The following PCNX2 variants were observed in gnomAD, a reference collection of about 807,000 sequenced individuals.
PCNX2 encodes pecanex-like protein 2.
Under a neutral mutation model 223.8 loss-of-function variants are expected in PCNX2, and 168 were observed. The ratio of observed to expected loss-of-function variants is 0.75; its 90% CI spans 0.66 to 0.85. The LOEUF is 0.85. Among genes scored for constraint, PCNX2 ranks in the 40% least tolerant of loss-of-function variants. The pLI, the probability that PCNX2 is intolerant of heterozygous loss-of-function variation, is 0.00. For synonymous variants in PCNX2, 1,006 were observed against 1,052.6 expected, an observed-to-expected ratio of 0.96 and a Z score of 0.86; for missense variants, 2,507 against 2,675.5, an observed-to-expected ratio of 0.94 and a Z score of 1.39.
chr1:233,285,730 G>T (rs1480669971), intron 1 of PCNX2, among the ~76,000 whole-genome samples: 1 of 152,200 alleles, frequency 6.6e-6, no homozygotes, highest in Non-Finnish European at 1.5e-5. Context: ...CACATGTTTA[G>T]GTTGGTTATT....
intron 15 of PCNX2, among the ~76,000 whole-genome samples, chr1:233,192,049 T>C (rs1680448924): frequency 6.6e-6 from 1 of 152,174 alleles, no homozygotes; most frequent in African/African-American, 2.4e-5. Context: ...TACTGAAACA[T>C]GTTTTGTTTC....
rs1420498720 is a variant in PCNX2 at position 233,162,990 on chromosome 1, A to T, written c.3274-1627T>A. On this transcript the variant is annotated intron_variant, in intron 17 of 33. Coordinates refer to ENST00000258229, the MANE Select transcript of PCNX2 (RefSeq NM_014801.4). ...GCAGGAATGAGCTCGAATTATTATT[A>T]ACCTTTTTTTCACAGTTGGATGATA... 2.6e-5 allele frequency among the ~76,000 whole-genome samples: 4 copies of T among 152,274 alleles called. No homozygotes were observed. The South Asian group carries it at 6.2e-4, about 24-fold the overall frequency.
chr1:233,260,017 A>T (rs1659965654), intron 4 of PCNX2: 2 of 198,988 alleles, frequency 1.0e-5, no homozygotes, highest in Non-Finnish European at 1.8e-5. Flanking sequence ...ATGCTGTTTT[A>T]TATAAGAGAC....
At chr1:233,324,200 G>A in the PCNX2 span, among the ~76,000 whole-genome samples, 2 of 152,330 alleles carry the variant, frequency 1.3e-5, no homozygotes, top group East Asian at 3.9e-4. Context: ...GAGGTTTAAG[G>A]AAAGAAGTCA....
intron 31 of PCNX2, 66 bp from the exon 32 acceptor site, chr1:232,998,504 C>A: frequency 6.5e-7 from 1 of 1,550,154 alleles, no homozygotes; most frequent in Non-Finnish European, 8.7e-7. Flanking sequence ...AAATGCACCA[C>A]CATGGCCTTG....
chr1:233,221,300 G>A (rs1380671290), intron 10 of PCNX2, among the ~76,000 whole-genome samples: 1 of 151,768 alleles, frequency 6.6e-6, no homozygotes, highest in African/African-American at 2.4e-5. Context: ...TATTTGGTGT[G>A]TTGAGGTCCA....
intron 1 of PCNX2, among the ~76,000 whole-genome samples, chr1:233,272,577 CA>C (rs1422111991): frequency 6.6e-6 from 1 of 152,146 alleles, no homozygotes; most frequent in African/African-American, 2.4e-5. Flanking sequence ...TTATGGAAAA[CA>C]GTGTGGAGAT....
At position 233,258,703 on chromosome 1, in the gene PCNX2, T is replaced by C. The variant is rs763852757; in HGVS notation, c.1159A>G (p.Met387Val). 1.4e-5 allele frequency: 23 copies of C among 1,613,866 alleles called. No homozygotes were observed. In the African/African-American group the frequency reaches 2.5e-4, roughly 18 times the overall value. The change falls in exon 5 of 34, where the codon ATG becomes GTG. Residue 387 changes from methionine (M) to valine (V), a missense_variant. By Grantham distance (21) the Met-to-Val change is conservative. This residue lies in a region of PCNX2 where 1,031 missense variants were observed against 1,021.7 expected (regional missense o/e 1.01). Transcript: ENST00000258229. Reference sequence around the variant, plus strand: ...TGGAGGGAGCTTTCCAAATCTGTCATGGAGTTTGGGGTACTGCTCATCGTG... The same window carrying C: ...TGGAGGGAGCTTTCCAAATCTGTCACGGAGTTTGGGGTACTGCTCATCGTG... ...VITMSSTPNS[M>V]TDLESSLHLR...
At chr1:233,078,188 G>T (rs185688492) in intron 23 of PCNX2, among the ~76,000 whole-genome samples, 1 of 152,322 alleles carries the variant, frequency 6.6e-6, no homozygotes, top group Non-Finnish European at 1.5e-5. Context: ...AAGCCTCCCA[G>T]TACCTACAGT....
chr1:232,990,222 G>A lies in PCNX2; in HGVS notation c.5792-3682C>T, dbSNP rs1280816158. On this transcript the variant is annotated intron_variant, in intron 32 of 33. Transcript: ENST00000258229. The surrounding 1 kb of genome is among the most constrained non-coding windows in gnomAD (Gnocchi z 4.3). ...TGGTTTCCGCAAAGTGTCCCGGGCA[G>A]GGCCAGGCAGAGCCGCCCCTCCCGT... 6.6e-6 allele frequency among the ~76,000 whole-genome samples: 1 copy of A among 152,232 alleles called. No homozygotes were observed. Among genetic ancestry groups the A allele is most frequent in the African/African-American group, 2.4e-5 (1 of 41,470 alleles).
At chr1:233,003,772 A>T (rs1169170411) in intron 28 of PCNX2, among the ~76,000 whole-genome samples, 1 of 152,230 alleles carries the variant, frequency 6.6e-6, no homozygotes, top group Admixed American at 6.5e-5. Context: ...TCAATGATAG[A>T]CTGGATAAAG....
intron 28 of PCNX2, among the ~76,000 whole-genome samples, chr1:233,011,727 C>T (rs1204783735): frequency 6.6e-6 from 1 of 152,172 alleles, no homozygotes; most frequent in Admixed American, 6.5e-5. Context: ...CATCCACCTG[C>T]CTGGAAAGTG....
Position 233,295,723 on chromosome 1 carries a change from G to C in PCNX2, c.-245C>G. On this transcript the variant is annotated 5_prime_UTR_variant, in exon 1 of 34. Coordinates refer to ENST00000258229, the MANE Select transcript of PCNX2 (RefSeq NM_014801.4). This position sits in a 1 kb window ranked among gnomAD's most constrained non-coding sequence, Gnocchi z 4.1. ...GGGCAGGTGAGCGCCATGTCCGAGGGAGGAAGGATTTTCCCATCGTGCTCA... is the reference window on the plus strand; with the variant it reads ...GGGCAGGTGAGCGCCATGTCCGAGGCAGGAAGGATTTTCCCATCGTGCTCA... 1 of 383,432 alleles carries C rather than the reference G, an allele frequency of 2.6e-6. No individual in the cohort carries two copies. The highest frequency in any genetic ancestry group is 1.0e-4 in the South Asian group (1 of 9,990). The allele number at this position is 383,432 out of a possible 1,614,324, so 23.8% of individuals were successfully genotyped here. A position where few individuals can be genotyped will look rare whatever the true frequency, so the allele number is the denominator to read the frequency against.
At chr1:233,282,266 C>T (rs1558422973) in intron 1 of PCNX2, among the ~76,000 whole-genome samples, 1 of 152,090 alleles carries the variant, frequency 6.6e-6, no homozygotes, top group East Asian at 1.9e-4. Context: ...ACTGTTAGCA[C>T]TCATTTCCCG....
intron 32 of PCNX2, among the ~76,000 whole-genome samples, chr1:232,988,219 T>A (rs925737760): frequency 6.6e-6 from 1 of 152,188 alleles, no homozygotes; most frequent in African/African-American, 2.4e-5. Context: ...TGTCCAAAAA[T>A]ACTCCACATT....
chr1:233,128,747 A>C (rs1257801346), intron 21 of PCNX2, among the ~76,000 whole-genome samples: 1 of 152,216 alleles, frequency 6.6e-6, no homozygotes, highest in Admixed American at 6.5e-5. Context: ...CCTCATCTGC[A>C]TGTTTTACTG....
chr1:233,049,167 T>G (rs189237450), intron 25 of PCNX2, among the ~76,000 whole-genome samples: 1 of 152,224 alleles, frequency 6.6e-6, no homozygotes, highest in Admixed American at 6.5e-5. Context: ...TACCAAAATC[T>G]GGCAGAAACA....
intron 23 of PCNX2, among the ~76,000 whole-genome samples, chr1:233,061,518 T>C (rs1672404335): frequency 6.6e-6 from 1 of 152,150 alleles, no homozygotes; most frequent in African/African-American, 2.4e-5. Context: ...GGGCCTGGGT[T>C]TTGACTTTTC....
At chr1:233,169,644 C>CAAAAAAAAAAAAAA (rs200439765) in intron 17 of PCNX2, among the ~76,000 whole-genome samples, 63 of 68,798 alleles carry the variant, frequency 9.2e-4, no homozygotes, top group East Asian at 2.8e-3. Flanking sequence ...AACTCCGTCT[C>CAAAAAAAAAAAAAA]AAAAAAAAAA....
Sources: gnomAD v4.1 joint callset for allele counts (sites outside exome capture counted in the v4.1 genomes callset) on GRCh38, gnomAD v4.1.1 for gene constraint, gnomAD v4.1.1 regional missense constraint, Gnocchi (gnomAD v3.1) non-coding constraint, MANE v1.5 for transcripts, NCBI Gene and HGNC (gene_info 2026-07-23, HGNC 2026-07-21) for gene names.